Variants in PCLO observed in about 807,000 individuals in gnomAD.
PCLO encodes the protein piccolo presynaptic cytomatrix protein, also known as protein piccolo.
In PCLO, 82 loss-of-function variants were observed where a neutral mutation model predicts 427.5. The ratio of observed to expected loss-of-function variants is 0.19; its 90% CI spans 0.16 to 0.23. The LOEUF is 0.23. Among genes scored for constraint, PCLO ranks in the 10% least tolerant of loss-of-function variants. The pLI is 1.00. For missense variants in PCLO, 6,239 were observed against 6,115.9 expected, an observed-to-expected ratio of 1.02 and a Z score of -0.67; for synonymous variants, 2,357 against 2,155.4, an observed-to-expected ratio of 1.09 and a Z score of -2.59.
intron 20 of PCLO, chr7:82,821,449 G>A: frequency 1.0e-6 from 1 of 985,506 alleles, no homozygotes; most frequent in Non-Finnish European, 1.2e-6. Context: ...AGCACTAAAG[G>A]GGTTTAAAAC....
chr7:82,812,194 G>A (rs1196946246), intron 20 of PCLO, among the ~76,000 whole-genome samples: 1 of 151,290 alleles, frequency 6.6e-6, no homozygotes, highest in Non-Finnish European at 1.5e-5. Context: ...ACATCTTAAT[G>A]AACAATTTAG....
chr7:82,910,318 G>C (rs542457133), intron 7 of PCLO, among the ~76,000 whole-genome samples: 1 of 151,944 alleles, frequency 6.6e-6, no homozygotes, highest in African/African-American at 2.4e-5. Flanking sequence ...CATTGCTGCC[G>C]GGGATGGCAA....
At chr7:82,890,514 G>A (rs1793732531) in intron 9 of PCLO, among the ~76,000 whole-genome samples, 1 of 151,594 alleles carries the variant, frequency 6.6e-6, no homozygotes, top group African/African-American at 2.4e-5. Flanking sequence ...GTAGGAGATA[G>A]CCCTTATTTG....
At chr7:82,800,389 C>T (rs538735825) in intron 22 of PCLO, among the ~76,000 whole-genome samples, 1 of 152,232 alleles carries the variant, frequency 6.6e-6, no homozygotes, top group Non-Finnish European at 1.5e-5. Flanking sequence ...CATTTGGTGT[C>T]ATTTTCACTT....
At chr7:83,048,868 A>C (rs1562938235) in intron 3 of PCLO, among the ~76,000 whole-genome samples, 1 of 152,162 alleles carries the variant, frequency 6.6e-6, no homozygotes, top group Non-Finnish European at 1.5e-5. Flanking sequence ...AGCCCACTAT[A>C]ATACACTTAC....
intron 20 of PCLO, among the ~76,000 whole-genome samples, chr7:82,819,987 T>C (rs1791756356): frequency 6.6e-6 from 1 of 152,198 alleles, no homozygotes; most frequent in African/African-American, 2.4e-5. Flanking sequence ...ATAATCACCC[T>C]AGCTTCATTC....
At chr7:83,161,206 T>C (rs924596817) in intron 1 of PCLO, among the ~76,000 whole-genome samples, 6 of 150,632 alleles carry the variant, frequency 4.0e-5, no homozygotes, top group Non-Finnish European at 7.4e-5. Context: ...TTGGCAAAAT[T>C]ATGCTTACGT....
At chr7:83,003,491 T>A (rs753574134) in intron 3 of PCLO, among the ~76,000 whole-genome samples, 63 of 151,904 alleles carry the variant, frequency 4.1e-4, no homozygotes, top group Middle Eastern at 6.8e-3. Flanking sequence ...TGGAAACACA[T>A]AAAAATATGG....
chr7:82,932,557 G>C (rs958178545), intron 6 of PCLO, among the ~76,000 whole-genome samples: 1 of 152,218 alleles, frequency 6.6e-6, no homozygotes, highest in African/African-American at 2.4e-5. Flanking sequence ...TAATTTCAGA[G>C]GGCATTTGTG....
chr7:82,997,136 C>T (rs6965237), intron 3 of PCLO, among the ~76,000 whole-genome samples: 1 of 151,576 alleles, frequency 6.6e-6, no homozygotes, highest in Non-Finnish European at 1.5e-5. Context: ...GATAATAACA[C>T]CTAGGACTTC....
At chr7:83,029,114 T>C (rs1016392447) in intron 3 of PCLO, among the ~76,000 whole-genome samples, 25 of 151,324 alleles carry the variant, frequency 1.7e-4, no homozygotes, top group African/African-American at 5.8e-4. Flanking sequence ...AAATGGGATA[T>C]AATTAAACTA....
chr7:83,122,286 C>CTTTT (rs71074624), intron 3 of PCLO, among the ~76,000 whole-genome samples: 6 of 128,286 alleles, frequency 4.7e-5, no homozygotes, highest in Non-Finnish European at 8.1e-5. Flanking sequence ...CTTTTCTTTT[C>CTTTT]TTTTTTTTTT....
At chr7:83,025,985 A>T (rs1048366885) in intron 3 of PCLO, among the ~76,000 whole-genome samples, 19 of 152,172 alleles carry the variant, frequency 1.2e-4, no homozygotes, top group Non-Finnish European at 2.1e-4. Flanking sequence ...AACCGGTACC[A>T]GCCGCGGCAA....
At chr7:83,035,760 T>A (rs1452712641) in intron 3 of PCLO, among the ~76,000 whole-genome samples, 2 of 152,190 alleles carry the variant, frequency 1.3e-5, no homozygotes. Context: ...GCTAAAATTT[T>A]TATAATATAA....
At chr7:82,910,054 T>C (rs1245928901) in intron 7 of PCLO, among the ~76,000 whole-genome samples, 1 of 152,144 alleles carries the variant, frequency 6.6e-6, no homozygotes. Flanking sequence ...TGTTTTAGTC[T>C]TTGTAAAAGA....
At chr7:82,864,713 T>C (rs1339433369) in intron 10 of PCLO, among the ~76,000 whole-genome samples, 1 of 151,984 alleles carries the variant, frequency 6.6e-6, no homozygotes, top group Non-Finnish European at 1.5e-5. Flanking sequence ...TGTAATTGCC[T>C]CTATTTTGAC....
intron 22 of PCLO, among the ~76,000 whole-genome samples, chr7:82,790,050 C>G (rs1015968695): frequency 6.6e-6 from 1 of 152,026 alleles, no homozygotes; most frequent in African/African-American, 2.4e-5. Flanking sequence ...ATTTTTAGAA[C>G]AAAGAACCTC....
chr7:82,805,841 G>A lies in PCLO; in HGVS notation c.14792-12C>T. 1 of 1,591,606 alleles carries A rather than the reference G, an allele frequency of 6.3e-7. No individual in the cohort carries two copies. The highest frequency in any genetic ancestry group is 1.1e-5 in the South Asian group (1 of 87,732). On this transcript the variant is annotated splice_polypyrimidine_tract_variant and intron_variant, in intron 20 of 24. Transcript: ENST00000333891. ...ATTGGGAGGCTTTGCTGCATGGTGT[G>A]GGAAGATTCAACACCACAGTCAATA...
intron 22 of PCLO, among the ~76,000 whole-genome samples, chr7:82,767,256 C>T (rs62465940): frequency 0.053 from 8,074 of 152,124 alleles, 469 homozygotes; most frequent in African/African-American, 0.14. Flanking sequence ...GGTCTCCTGG[C>T]GTCCTGAAAC....
Sources: gnomAD v4.1 joint callset for allele counts (sites outside exome capture counted in the v4.1 genomes callset) on GRCh38, gnomAD v4.1.1 for gene constraint, MANE v1.5 for transcripts, NCBI Gene and HGNC (gene_info 2026-07-23, HGNC 2026-07-21) for gene names.